Variants in HMGB1 observed in about 807,000 individuals in gnomAD.
The protein encoded by HMGB1 is high mobility group box 1.
For missense variants in HMGB1, 79 were observed against 253.5 expected (o/e 0.31, Z 4.67); for synonymous variants, 81 against 84.0 (o/e 0.96, Z 0.19).
intron 1 of HMGB1, among the ~76,000 whole-genome samples, chr13:30,547,933 T>C (rs886726348): frequency 6.6e-6 from 1 of 152,090 alleles, no homozygotes; most frequent in Non-Finnish European, 1.5e-5. Context: ...AAAAAAGATA[T>C]GGGTTAGTCA....
At chr13:30,545,574 C>T (rs183820995) in intron 1 of HMGB1, among the ~76,000 whole-genome samples, 1 of 152,232 alleles carries the variant, frequency 6.6e-6, no homozygotes, top group East Asian at 1.9e-4. Flanking sequence ...GCCCAGTATT[C>T]CTGAGTCTAG....
At chr13:30,518,867 A>G (rs118151420) in intron 1 of HMGB1, among the ~76,000 whole-genome samples, 7,356 of 148,348 alleles carry the variant, frequency 0.05, 291 homozygotes, top group South Asian at 0.12. Context: ...AAAAAAAGCT[A>G]CATGCCACCA....
intron 1 of HMGB1, among the ~76,000 whole-genome samples, chr13:30,551,653 T>C (rs1869433795): frequency 6.6e-6 from 1 of 152,228 alleles, no homozygotes; most frequent in African/African-American, 2.4e-5. Context: ...CTCATTTTTG[T>C]TGCTTCTCTA....
At chr13:30,466,515 A>G (rs931723919), upstream of HMGB1, among the ~76,000 whole-genome samples, 7 of 152,172 alleles carry the variant, frequency 4.6e-5, no homozygotes, top group South Asian at 8.3e-4. Context: ...CAGGGCTTCT[A>G]TAAGAAAGTG....
chr13:30,458,404 A>G lies in HMGB1; in HGVS notation c.*2953T>C, dbSNP rs1886091578. ...GAGTGCAGTGGCACAATCTCGGCTC[A>G]CTGCAACCTCCGCCTCCCGGGTTCA... On this transcript the variant is annotated 3_prime_UTR_variant, in exon 5 of 5. Transcript: ENST00000341423. 6.9e-6 allele frequency: 1 copy of G among 145,160 alleles called. No homozygotes were observed. Among genetic ancestry groups the G allele is most frequent in the African/African-American group, 2.6e-5 (1 of 38,262 alleles). 9.0% of individuals were successfully genotyped at this position (145,160 alleles called of 1,614,324 possible). A position where few individuals can be genotyped will look rare whatever the true frequency, so the allele number is the denominator to read the frequency against.
chr13:30,617,347 A>G (rs1276359312), exon 1 of HMGB1: 3 of 152,204 alleles, frequency 2.0e-5, no homozygotes, highest in East Asian at 3.9e-4. Context: ...CTTTGTGAAC[A>G]TGCACTCTGT....
At position 30,551,751 on chromosome 13, in the gene HMGB1, G is replaced by A. The variant is rs193228655; in HGVS notation, c.-15+64920C>T. Among the ~76,000 whole-genome samples the A allele has an allele frequency of 1.3e-4, 20 of 152,042 alleles. No homozygotes were observed. The East Asian group carries it at 3.9e-3, about 29-fold the overall frequency. On this transcript the variant is annotated intron_variant, in intron 1 of 4. Transcript: ENST00000405805. ...GACAGGGTCTTGCTCTGTTGCCCAGGCTGGAGTGCAGTGGTGCGATCATAG... is the reference window on the plus strand; with the variant it reads ...GACAGGGTCTTGCTCTGTTGCCCAGACTGGAGTGCAGTGGTGCGATCATAG...
Position 30,559,229 on chromosome 13 carries a change from G to A in HMGB1, c.-15+57442C>T, listed in dbSNP as rs1869834324. Among the ~76,000 whole-genome samples, 1 of 152,076 alleles carries A rather than the reference G, an allele frequency of 6.6e-6. No individual in the cohort carries two copies. Among genetic ancestry groups the A allele is most frequent in the South Asian group, 2.1e-4 (1 of 4,822 alleles). On this transcript the variant is annotated intron_variant, in intron 1 of 4. Transcript: ENST00000405805. The surrounding 1 kb of genome is among the most constrained non-coding windows in gnomAD (Gnocchi z 6.6). ...ATCATTCCTTACCAAGGTACGTTAGGCACTGGCCTCACTCCAAGGCCAGTG... is the reference window on the plus strand; with the variant it reads ...ATCATTCCTTACCAAGGTACGTTAGACACTGGCCTCACTCCAAGGCCAGTG...
In HMGB1 at chr13:30,527,286, A is replaced by G. The variant is rs556839430; in HGVS notation, c.-14-63592T>C. ...CCAGAACTGAAACTTCAGTTGTAAG[A>G]AACTTCAGGGAGAAGCTGGCCTGTC... On this transcript the variant is annotated intron_variant, in intron 1 of 4. Transcript: ENST00000405805. Among the ~76,000 whole-genome samples the G allele has an allele frequency of 5.9e-5, 9 of 152,322 alleles. No individual in the cohort carries two copies. The South Asian group carries it at 1.7e-3, about 28-fold the overall frequency.
intron 1 of HMGB1, among the ~76,000 whole-genome samples, chr13:30,572,692 G>A (rs1294281354): frequency 1.3e-5 from 2 of 152,190 alleles, no homozygotes; most frequent in African/African-American, 4.8e-5. Context: ...CAAAGTGAAT[G>A]AAATACATTT....
At chr13:30,537,835 A>T (rs1868528207) in intron 1 of HMGB1, among the ~76,000 whole-genome samples, 2 of 151,574 alleles carry the variant, frequency 1.3e-5, no homozygotes, top group South Asian at 4.2e-4. Context: ...GGCATAAGAC[A>T]TTTTTCATTT....
intron 1 of HMGB1, among the ~76,000 whole-genome samples, chr13:30,520,374 C>T (rs924056922): frequency 7.9e-5 from 12 of 151,490 alleles, no homozygotes; most frequent in African/African-American, 2.9e-4. Flanking sequence ...AATCCCAGCA[C>T]ATTGGGAGGC....
At chr13:30,464,749 G>A (rs1209463165) in intron 1 of HMGB1, 4 of 399,948 alleles carry the variant, frequency 1.0e-5, no homozygotes, top group Non-Finnish European at 1.3e-5. Context: ...GCGAGAATAT[G>A]GCTCCTTCCC....
At chr13:30,529,209 A>G (rs1404792804) in intron 1 of HMGB1, among the ~76,000 whole-genome samples, 1 of 152,140 alleles carries the variant, frequency 6.6e-6, no homozygotes, top group African/African-American at 2.4e-5. Flanking sequence ...CATCTCCATC[A>G]CAATGTGACC....
chr13:30,591,027 CTTT>C (rs910554887), intron 1 of HMGB1, among the ~76,000 whole-genome samples: 4 of 109,936 alleles, frequency 3.6e-5, no homozygotes, highest in East Asian at 2.6e-4. Context: ...GAGGCAGGGC[CTTT>C]TTTTTTTTTT....
At chr13:30,505,978 C>A (rs1235511428) in intron 1 of HMGB1, among the ~76,000 whole-genome samples, 1 of 151,328 alleles carries the variant, frequency 6.6e-6, no homozygotes, top group Admixed American at 6.6e-5. Flanking sequence ...GCCTGCCTCT[C>A]GGCCTCCCAA....
chr13:30,594,791 T>C (rs934759437), intron 1 of HMGB1, among the ~76,000 whole-genome samples: 6 of 152,164 alleles, frequency 3.9e-5, no homozygotes, highest in Non-Finnish European at 5.9e-5. Flanking sequence ...TTTTAGTTGC[T>C]CTCCACAGGG....
At chr13:30,583,528 C>CAAAAAAAAAA (rs35519297) in intron 1 of HMGB1, among the ~76,000 whole-genome samples, 1 of 66,964 alleles carries the variant, frequency 1.5e-5, no homozygotes, top group African/African-American at 5.7e-5. Flanking sequence ...ACCTGGTCTC[C>CAAAAAAAAAA]AAAAAAAAAA....
intron 1 of HMGB1, among the ~76,000 whole-genome samples, chr13:30,590,185 G>A (rs907942936): frequency 6.6e-6 from 1 of 151,896 alleles, no homozygotes; most frequent in Admixed American, 6.6e-5. Context: ...TGTCCAATAA[G>A]GTGTAGCTGC....
Sources: gnomAD v4.1 joint callset for allele counts (sites outside exome capture counted in the v4.1 genomes callset) on GRCh38, gnomAD v4.1.1 for gene constraint, Gnocchi (gnomAD v3.1) non-coding constraint, MANE v1.5 for transcripts, NCBI Gene and HGNC (gene_info 2026-07-23, HGNC 2026-07-21) for gene names.